RBMS2: variants seen among roughly 807,000 people sequenced by gnomAD.
RBMS2 encodes RNA-binding motif, single-stranded-interacting protein 2.
RBMS2 carries 38 observed loss-of-function variants against 58.4 expected under a neutral mutation model. The ratio of observed to expected loss-of-function variants is 0.65; its 90% CI spans 0.50 to 0.85. The LOEUF is 0.85. Among genes scored for constraint, RBMS2 ranks in the 40% least tolerant of loss-of-function variants. The pLI, the probability that RBMS2 is intolerant of heterozygous loss-of-function variation, is 0.00. For synonymous variants in RBMS2, 151 were observed against 180.7 expected (o/e 0.84, Z 1.32); for missense variants, 367 against 503.7 (o/e 0.73, Z 2.60).
intron 1 of RBMS2, among the ~76,000 whole-genome samples, chr12:56,553,969 C>T (rs1243431647): frequency 2.0e-5 from 3 of 151,554 alleles, no homozygotes; most frequent in East Asian, 3.9e-4. Flanking sequence ...GGACTATAGG[C>T]GCATGCCACT....
At position 56,582,242 on chromosome 12, in the gene RBMS2, TG is replaced by T. The variant is rs1261566977; in HGVS notation, c.873+91del. The T allele has an allele frequency of 8.4e-6, 10 of 1,192,952 alleles. No individual in the cohort carries two copies. In the Admixed American group the frequency reaches 1.7e-4, roughly 20 times the overall value. 73.9% of individuals were successfully genotyped at this position (1,192,952 alleles called of 1,614,324 possible). ...ATAAGGCTAGGAACTACTTGTTTTT[TG>T]TTTTTCCTTTTAATCATATTACACA... On this transcript the variant is annotated intron_variant, in intron 9 of 13. Coordinates refer to ENST00000262031, the MANE Select transcript of RBMS2 (RefSeq NM_002898.4).
intron 5 of RBMS2, among the ~76,000 whole-genome samples, chr12:56,574,297 TTACTAATGGAA>T (rs1189133848): frequency 9.9e-5 from 15 of 152,236 alleles, no homozygotes; most frequent in Non-Finnish European, 2.1e-4. Context: ...CTAACTATAC[TTACTAATGGAA>T]TATGTGCCTG....
At chr12:56,542,355 G>A (rs11833204) in intron 1 of RBMS2, among the ~76,000 whole-genome samples, 2,353 of 151,480 alleles carry the variant, frequency 0.016, 68 homozygotes, top group African/African-American at 0.055. Flanking sequence ...ATGAGCCACC[G>A]CACCTGGCTC....
At chr12:56,559,128 AG>A (rs1452502687) in intron 1 of RBMS2, among the ~76,000 whole-genome samples, 5 of 152,174 alleles carry the variant, frequency 3.3e-5, no homozygotes, top group African/African-American at 1.2e-4. Flanking sequence ...TCAGAGAAGC[AG>A]CTTTGTTTTC....
chr12:56,588,198 A>G (rs1884941701), intron 11 of RBMS2, 96 bp from the exon 12 acceptor site: 2 of 941,798 alleles, frequency 2.1e-6, no homozygotes, highest in Admixed American at 2.0e-5. Flanking sequence ...TCTCTGGGGT[A>G]GAATACAGGT....
At chr12:56,575,875 CAA>C (rs1396347358) in intron 5 of RBMS2, among the ~76,000 whole-genome samples, 1 of 149,038 alleles carries the variant, frequency 6.7e-6, no homozygotes, top group African/African-American at 2.5e-5. Context: ...GCCTGGGCGA[CAA>C]GAGCAAAACT....
At chr12:56,562,295 G>A in intron 1 of RBMS2, 122 bp from the exon 2 acceptor site, 3 of 913,616 alleles carry the variant, frequency 3.3e-6, no homozygotes, top group Non-Finnish European at 5.0e-6. Context: ...GTGTGTCCAA[G>A]TGAGTGCACA....
rs370741246 is a variant in RBMS2 at position 56,561,873 on chromosome 12, T to C, written c.67-544T>C. On this transcript the variant is annotated intron_variant, in intron 1 of 13. Transcript: ENST00000262031. ...CCCAGGCTGGAGTGCAGTGGCGCGATCTCAGCTCACTGCAAGCTCTGCCTC... is the reference window on the plus strand; with the variant it reads ...CCCAGGCTGGAGTGCAGTGGCGCGACCTCAGCTCACTGCAAGCTCTGCCTC... Among the ~76,000 whole-genome samples the C allele has an allele frequency of 1.3e-4, 20 of 150,932 alleles. 1 individual carries two copies. The highest frequency in any genetic ancestry group is 5.3e-4 in the Admixed American group (8 of 15,092).
intron 9 of RBMS2, among the ~76,000 whole-genome samples, chr12:56,584,582 G>A (rs1259751288): frequency 1.3e-5 from 2 of 151,912 alleles, no homozygotes; most frequent in Non-Finnish European, 2.9e-5. Context: ...TCAGGAGATC[G>A]AGACCATCCA....
intron 1 of RBMS2, among the ~76,000 whole-genome samples, chr12:56,529,616 A>G (rs1032981238): frequency 2.6e-5 from 4 of 152,156 alleles, no homozygotes; most frequent in Non-Finnish European, 4.4e-5. Flanking sequence ...TAGGGGAAAA[A>G]AAAAAGAAAA....
At chr12:56,571,641 G>A (rs775814974) in intron 4 of RBMS2, 57 bp from the exon 5 acceptor site, 20 of 1,407,448 alleles carry the variant, frequency 1.4e-5, no homozygotes, top group South Asian at 5.0e-5. Flanking sequence ...GGGGAGGGCT[G>A]AGGGTGGGAG....
chr12:56,578,638 A>C (rs996315347), intron 5 of RBMS2, among the ~76,000 whole-genome samples: 2 of 152,004 alleles, frequency 1.3e-5, no homozygotes, highest in African/African-American at 4.8e-5. Flanking sequence ...AGTAGATGGG[A>C]GTGGAAAGGA....
chr12:56,539,134 G>A (rs905256778), intron 1 of RBMS2, among the ~76,000 whole-genome samples: 1 of 151,750 alleles, frequency 6.6e-6, no homozygotes, highest in South Asian at 2.1e-4. Flanking sequence ...TCCTGCCTCA[G>A]CCACGCAAGT....
Position 56,571,398 on chromosome 12 carries a change from C to A in RBMS2, c.385-300C>A, listed in dbSNP as rs113601029. Among the ~76,000 whole-genome samples the A allele has an allele frequency of 9.9e-5, 15 of 152,210 alleles. No homozygotes were observed. The South Asian group carries it at 2.7e-3, about 27-fold the overall frequency. Reference sequence around the variant, plus strand: ...TCTGAGGGAATCCAGCCTCTGGGACCGGCTGCTGGGGGAGAGCGGGAATGC... The same window carrying A: ...TCTGAGGGAATCCAGCCTCTGGGACAGGCTGCTGGGGGAGAGCGGGAATGC... On this transcript the variant is annotated intron_variant, in intron 4 of 13. Coordinates refer to ENST00000262031, the MANE Select transcript of RBMS2 (RefSeq NM_002898.4).
At chr12:56,531,987 G>A (rs2136256242) in intron 1 of RBMS2, among the ~76,000 whole-genome samples, 1 of 151,956 alleles carries the variant, frequency 6.6e-6, no homozygotes, top group East Asian at 1.9e-4. Context: ...TTGGGAGGCC[G>A]AGGTGGGCAG....
rs1313872543 is a variant in RBMS2, at chr12:56,521,828, C to T, written c.-196C>T. ...CAGTGACGTAAAGGAGCAGCCCGAG[C>T]TCATTCTCTGCCCGCAGCCCCCCTT... is the stretch of plus-strand genomic sequence containing the variant. On this transcript the variant is annotated 5_prime_UTR_variant, in exon 1 of 14. Transcript: ENST00000262031. 2 of 574,814 alleles carry T rather than the reference C, an allele frequency of 3.5e-6. No individual in the cohort carries two copies. The highest frequency in any genetic ancestry group is 6.1e-6 in the Non-Finnish European group (2 of 329,058). 35.6% of individuals were successfully genotyped at this position (574,814 alleles called of 1,614,324 possible).
intron 2 of RBMS2, among the ~76,000 whole-genome samples, chr12:56,566,989 T>C (rs1881451604): frequency 1.3e-5 from 2 of 152,210 alleles, no homozygotes; most frequent in Admixed American, 1.3e-4. Context: ...GATTGCTACA[T>C]TAGATAAAAA....
At chr12:56,581,969 A>G in intron 8 of RBMS2, 90 bp downstream of exon 8, 15 of 1,579,298 alleles carry the variant, frequency 9.5e-6, no homozygotes, top group Non-Finnish European at 1.3e-5. Flanking sequence ...TCTATTTGAA[A>G]GTCAAGGGAA....
chr12:56,582,762 A>G (rs1261896608), intron 9 of RBMS2, among the ~76,000 whole-genome samples: 6 of 152,116 alleles, frequency 3.9e-5, no homozygotes, highest in Admixed American at 2.0e-4. Flanking sequence ...TCCGCCTCCT[A>G]GGTTCAGGCG....
Sources: allele counts gnomAD v4.1 joint callset (sites outside exome capture counted in the v4.1 genomes callset), GRCh38; gene constraint gnomAD v4.1.1; transcripts MANE v1.5; gene names NCBI Gene and HGNC (gene_info 2026-07-23, HGNC 2026-07-21).